The following PRKN variants were observed in gnomAD, a reference collection of about 807,000 sequenced individuals.
PRKN encodes the protein E3 ubiquitin-protein ligase parkin.
Under a neutral mutation model 59.5 loss-of-function variants are expected in PRKN, and 56 were observed. The ratio of observed to expected loss-of-function variants is 0.94; its 90% CI spans 0.76 to 1.18. The LOEUF (loss-of-function observed/expected upper bound fraction) is 1.18. Ranked by LOEUF, PRKN falls within the 50% of genes most tolerant of loss-of-function variation. The pLI, the probability that PRKN is intolerant of heterozygous loss-of-function variation, is 0.00. For synonymous variants in PRKN, 250 were observed against 222.1 expected (o/e 1.13, Z -1.12); for missense variants, 657 against 596.4 (o/e 1.10, Z -1.06).
chr6:162,232,140 G>A (rs983721288), intron 3 of PRKN, among the ~76,000 whole-genome samples: 2 of 152,108 alleles, frequency 1.3e-5, no homozygotes, highest in Admixed American at 6.6e-5. Context: ...AAGATTATGC[G>A]AAACGAGGGG....
chr6:162,432,970 T>C (rs538045558), intron 2 of PRKN, among the ~76,000 whole-genome samples: 1 of 152,326 alleles, frequency 6.6e-6, no homozygotes, highest in East Asian at 1.9e-4. Flanking sequence ...GATAACTGTT[T>C]AGACTTAACT....
At chr6:162,326,955 C>T (rs976603446) in intron 2 of PRKN, among the ~76,000 whole-genome samples, 2 of 152,134 alleles carry the variant, frequency 1.3e-5, no homozygotes, top group African/African-American at 4.8e-5. Flanking sequence ...CAAAATTTTT[C>T]TCTAACTCTA....
chr6:161,675,961 T>C (rs1319202860), intron 7 of PRKN, among the ~76,000 whole-genome samples: 2 of 152,260 alleles, frequency 1.3e-5, no homozygotes, highest in Non-Finnish European at 2.9e-5. Flanking sequence ...AGGTCACATG[T>C]AGCAAGAGCT....
intron 2 of PRKN, among the ~76,000 whole-genome samples, chr6:162,336,978 G>A (rs1209289562): frequency 6.6e-6 from 1 of 152,182 alleles, no homozygotes; most frequent in Non-Finnish European, 1.5e-5. Context: ...AGTTGAGACT[G>A]CTAAGGACTC....
At chr6:162,396,231 A>C (rs1787469600) in intron 2 of PRKN, among the ~76,000 whole-genome samples, 1 of 152,174 alleles carries the variant, frequency 6.6e-6, no homozygotes, top group Non-Finnish European at 1.5e-5. Flanking sequence ...ATGTTTTGAA[A>C]GAATAAATTT....
At position 161,673,557 on chromosome 6, in the gene PRKN, T is replaced by C. The variant is rs528499401; in HGVS notation, c.872-104141A>G. Among the ~76,000 whole-genome samples the C allele has an allele frequency of 3.6e-4, 55 of 152,280 alleles. 1 individual carries two copies. The South Asian group carries it at 4.1e-3, about 11-fold the overall frequency. Reference sequence around the variant, plus strand: ...TTATTCCAAGGGAGCTGAGAAGCCATTGGAGTCTGAGCAGAGTTGGGACGT... The same window carrying C: ...TTATTCCAAGGGAGCTGAGAAGCCACTGGAGTCTGAGCAGAGTTGGGACGT... On this transcript the variant is annotated intron_variant, in intron 7 of 11. Transcript: ENST00000366898.
Position 162,508,718 on chromosome 6 carries a change from A to G in PRKN, c.8-65245T>C, listed in dbSNP as rs574403922. ...CTTTCAAGCCTAAGCATTTTTACCC[A>G]GCAGCATCTCAGAAGCCTCTATCTA... On this transcript the variant is annotated intron_variant, in intron 1 of 11. Transcript: ENST00000366898. 2.0e-5 allele frequency among the ~76,000 whole-genome samples: 3 copies of G among 152,218 alleles called. No individual in the cohort carries two copies. In the South Asian group the frequency reaches 6.2e-4, roughly 32 times the overall value.
At position 161,551,017 on chromosome 6, in the gene PRKN, C is replaced by A. The variant is rs1779993304; in HGVS notation, c.934-2014G>T. 6.6e-6 allele frequency among the ~76,000 whole-genome samples: 1 copy of A among 152,076 alleles called. No individual in the cohort carries two copies. The highest frequency in any genetic ancestry group is 2.1e-4 in the South Asian group (1 of 4,816). On this transcript the variant is annotated intron_variant, in intron 8 of 11. Coordinates refer to ENST00000366898, the MANE Select transcript of PRKN (RefSeq NM_004562.3). This position sits in a 1 kb window ranked among gnomAD's most constrained non-coding sequence, Gnocchi z 5.2. ...TAAACGTGTGAATGGCATACACATA[C>A]AGCACCTTTACCAGAAAAGAGGTCT...
intron 2 of PRKN, among the ~76,000 whole-genome samples, chr6:162,429,102 G>T (rs966061705): frequency 1.3e-5 from 2 of 152,112 alleles, no homozygotes; most frequent in African/African-American, 4.8e-5. Flanking sequence ...GTATTTGGTT[G>T]CATGTACCGG....
At chr6:162,263,474 A>G (rs1779988363) in intron 2 of PRKN, among the ~76,000 whole-genome samples, 1 of 152,172 alleles carries the variant, frequency 6.6e-6, no homozygotes, top group African/African-American at 2.4e-5. Context: ...CTTGCCACCC[A>G]GGGTTCATTC....
intron 2 of PRKN, among the ~76,000 whole-genome samples, chr6:162,377,326 T>A (rs1786166118): frequency 6.6e-6 from 1 of 152,170 alleles, no homozygotes. Flanking sequence ...GGGCTGGCAT[T>A]AAGGAAGACC....
At chr6:162,599,701 T>C (rs547548164) in intron 1 of PRKN, among the ~76,000 whole-genome samples, 82 of 152,198 alleles carry the variant, frequency 5.4e-4, no homozygotes, top group African/African-American at 1.9e-3. Context: ...CCCGAAGATG[T>C]CAATCAGAAT....
rs1179798182 is a variant in PRKN, at chr6:162,384,666, A to AC, written c.171+58643_171+58644insG. Among the ~76,000 whole-genome samples, 817 of 148,456 alleles carry AC rather than the reference A, an allele frequency of 5.5e-3. 3 individuals carry two copies. The highest frequency in any genetic ancestry group is 0.014 in the Middle Eastern group (4 of 288). The stretch of plus-strand genomic sequence containing the variant: ...AATTTGTAAAAAAAAAAAAAAACAA[A>AC]AAAAAAAAACACTCATTATCTGCAA... On this transcript the variant is annotated intron_variant, in intron 2 of 11. Coordinates refer to ENST00000366898, the MANE Select transcript of PRKN (RefSeq NM_004562.3).
intron 1 of PRKN, among the ~76,000 whole-genome samples, chr6:162,594,900 C>A (rs1316020459): frequency 2.0e-5 from 3 of 152,140 alleles, no homozygotes; most frequent in Non-Finnish European, 4.4e-5. Context: ...CTGAGCTGGG[C>A]GCGGTGGCTC....
At chr6:162,603,543 T>C (rs1781790861) in intron 1 of PRKN, among the ~76,000 whole-genome samples, 1 of 152,110 alleles carries the variant, frequency 6.6e-6, no homozygotes, top group Non-Finnish European at 1.5e-5. Context: ...AAGCTGAAAA[T>C]ATTTACCACG....
In PRKN at chr6:161,772,892, T is replaced by G. The variant is rs190404632; in HGVS notation, c.871+12880A>C. Among the ~76,000 whole-genome samples the G allele has an allele frequency of 6.6e-5, 10 of 152,278 alleles. No homozygotes were observed. The East Asian group carries it at 1.9e-3, about 29-fold the overall frequency. ...GCACATATATTCAGAGGTTCAGGACTAGGAGTATTACTGGAATTTAGATGG... is the reference window on the plus strand; with the variant it reads ...GCACATATATTCAGAGGTTCAGGACGAGGAGTATTACTGGAATTTAGATGG... On this transcript the variant is annotated intron_variant, in intron 7 of 11. Transcript: ENST00000366898.
intron 7 of PRKN, among the ~76,000 whole-genome samples, chr6:161,646,637 A>C (rs1400543037): frequency 6.6e-6 from 1 of 152,044 alleles, no homozygotes; most frequent in Non-Finnish European, 1.5e-5. Flanking sequence ...CTGCGTTCAT[A>C]CGCGTGGAGG....
chr6:161,836,515 A>G (rs879930622), intron 6 of PRKN, among the ~76,000 whole-genome samples: 1 of 152,204 alleles, frequency 6.6e-6, no homozygotes, highest in Admixed American at 6.5e-5. Flanking sequence ...GGGAACTTGG[A>G]TAGAGATAAA....
chr6:161,996,674 C>T (rs1186295500), intron 5 of PRKN, among the ~76,000 whole-genome samples: 1 of 150,794 alleles, frequency 6.6e-6, no homozygotes, highest in Non-Finnish European at 1.5e-5. Context: ...ACATGTATTG[C>T]TATTTCAATA....
Sources: gnomAD v4.1 joint callset for allele counts (sites outside exome capture counted in the v4.1 genomes callset) on GRCh38, gnomAD v4.1.1 for gene constraint, Gnocchi (gnomAD v3.1) non-coding constraint, MANE v1.5 for transcripts, NCBI Gene and HGNC (gene_info 2026-07-23, HGNC 2026-07-21) for gene names.